Variants in MYO5B observed in about 807,000 individuals in gnomAD.
MYO5B encodes the protein unconventional myosin-Vb.
MYO5B carries 143 observed loss-of-function variants against 229.3 expected under a neutral mutation model. The observed-to-expected ratio is 0.62, with a 90% CI of 0.54 to 0.72. MYO5B has a LOEUF of 0.72. Among genes scored for constraint, MYO5B ranks in the 30% least tolerant of loss-of-function variants. The probability of loss-of-function intolerance (pLI) is 0.00; values close to 1 mark genes in which losing one functional copy is unlikely to be tolerated. For missense variants in MYO5B, 2,321 were observed against 2,331.0 expected, an observed-to-expected ratio of 1.00 and a Z score of 0.09; for synonymous variants, 918 against 885.2, an observed-to-expected ratio of 1.04 and a Z score of -0.66.
intron 30 of MYO5B, among the ~76,000 whole-genome samples, chr18:49,855,429 G>A (rs1003461060): frequency 1.3e-5 from 2 of 152,272 alleles, no homozygotes; most frequent in South Asian, 2.1e-4. Flanking sequence ...TTCAGTTGCC[G>A]ATTCATGAAA....
chr18:49,977,917 G>A (rs988166738), intron 9 of MYO5B, among the ~76,000 whole-genome samples: 11 of 152,178 alleles, frequency 7.2e-5, no homozygotes, highest in African/African-American at 2.7e-4. Flanking sequence ...AGAGGAAACA[G>A]AGAGGTTAGC....
At chr18:49,933,223 A>T (rs2025213587) in intron 16 of MYO5B, among the ~76,000 whole-genome samples, 2 of 152,074 alleles carry the variant, frequency 1.3e-5, no homozygotes, top group Admixed American at 1.3e-4. Flanking sequence ...CCTTCGGAAA[A>T]CCAGTGACCA....
chr18:49,876,699 A>G (rs11873675), intron 25 of MYO5B, among the ~76,000 whole-genome samples: 36,591 of 152,128 alleles, frequency 0.24, 4,545 homozygotes, highest in East Asian at 0.42. Flanking sequence ...GAAACCTCCA[A>G]GGGCCTAGAC....
chr18:50,149,742 A>G (rs1436306200), intron 1 of MYO5B, among the ~76,000 whole-genome samples: 2 of 152,104 alleles, frequency 1.3e-5, no homozygotes, highest in African/African-American at 4.8e-5. Flanking sequence ...CTAGAAGAAA[A>G]CCTAGGCATT....
At chr18:50,042,910 C>T (rs765165728) in intron 2 of MYO5B, among the ~76,000 whole-genome samples, 4 of 152,178 alleles carry the variant, frequency 2.6e-5, no homozygotes, top group East Asian at 3.8e-4. Flanking sequence ...CTGAGCCCAA[C>T]GGCTTCAACT....
intron 27 of MYO5B, among the ~76,000 whole-genome samples, chr18:49,871,038 C>G (rs2024450633): frequency 6.6e-6 from 1 of 152,168 alleles, no homozygotes; most frequent in Non-Finnish European, 1.5e-5. Flanking sequence ...AACAGAGAAG[C>G]AACCTAGATG....
chr18:50,137,838 T>C (rs2032357790), intron 1 of MYO5B, among the ~76,000 whole-genome samples: 1 of 138,420 alleles, frequency 7.2e-6, no homozygotes, highest in African/African-American at 2.7e-5. Flanking sequence ...GGAACATGGA[T>C]GAAGCTGGAC....
At chr18:50,088,780 T>G (rs79642868) in intron 1 of MYO5B, among the ~76,000 whole-genome samples, 7,560 of 152,304 alleles carry the variant, frequency 0.05, 249 homozygotes, top group African/African-American at 0.086. Flanking sequence ...TACTGTCTTT[T>G]CCAGTCATTG....
Position 50,001,276 on chromosome 18 carries a change from C to T in MYO5B, c.591G>A (p.Leu197=), listed in dbSNP as rs2026044060. 6.2e-7 allele frequency: 1 copy of T among 1,614,196 alleles called. No individual in the cohort carries two copies. Among genetic ancestry groups the T allele is most frequent in the Non-Finnish European group, 8.5e-7 (1 of 1,180,022 alleles). Residue 197 remains leucine, a synonymous_variant, in exon 5 of 40, where the codon CTG becomes CTA. Coordinates refer to ENST00000285039, the MANE Select transcript of MYO5B (RefSeq NM_001080467.3). ...ASETNIEEKV[L]ASSPIMEAIG... ...TTACCTCCATGATGGGACTGGATGCCAGCACCTTCTCTTCGATGTTGGTTT... is the reference window on the plus strand; with the variant it reads ...TTACCTCCATGATGGGACTGGATGCTAGCACCTTCTCTTCGATGTTGGTTT...
At chr18:50,048,130 C>T (rs2144405405) in intron 2 of MYO5B, among the ~76,000 whole-genome samples, 1 of 151,268 alleles carries the variant, frequency 6.6e-6, no homozygotes, top group South Asian at 2.1e-4. Context: ...AAAACACAAA[C>T]ATTTAATGAC....
At chr18:50,119,980 T>C (rs564583690) in intron 1 of MYO5B, among the ~76,000 whole-genome samples, 22 of 149,820 alleles carry the variant, frequency 1.5e-4, no homozygotes, top group Non-Finnish European at 3.0e-4. Context: ...AATATTGTGC[T>C]CCCTGGGAAC....
intron 36 of MYO5B, among the ~76,000 whole-genome samples, chr18:49,838,157 T>TG (rs1307386446): frequency 6.6e-6 from 1 of 152,206 alleles, no homozygotes; most frequent in Non-Finnish European, 1.5e-5. Flanking sequence ...AGAGCTTCAT[T>TG]GGTCCGTCAT....
intron 4 of MYO5B, among the ~76,000 whole-genome samples, chr18:50,028,799 C>T (rs769275466): frequency 2.2e-4 from 33 of 152,206 alleles, no homozygotes; most frequent in Admixed American, 1.3e-4. Flanking sequence ...TTCTAACATG[C>T]TGTGCTTCTC....
chr18:50,092,519 T>C (rs1466518697), intron 1 of MYO5B, among the ~76,000 whole-genome samples: 1 of 152,178 alleles, frequency 6.6e-6, no homozygotes, highest in Non-Finnish European at 1.5e-5. Flanking sequence ...ATCAGTTTTT[T>C]GTTTTTTGTT....
chr18:50,137,587 G>T (rs2032354606), intron 1 of MYO5B, among the ~76,000 whole-genome samples: 1 of 152,022 alleles, frequency 6.6e-6, no homozygotes, highest in South Asian at 2.1e-4. Flanking sequence ...TCCTCAAAGA[G>T]CTATAAACAG....
intron 34 of MYO5B, 113 bp downstream of exon 34, chr18:49,843,128 T>C (rs1345933821): frequency 3.7e-6 from 5 of 1,368,198 alleles, no homozygotes; most frequent in African/African-American, 2.9e-5. Flanking sequence ...ACCTTCAAAG[T>C]TGGAGCCCTA....
In MYO5B at chr18:49,937,400, A is replaced by G. The variant is rs768715227; in HGVS notation, c.1753-3T>C. The G allele has an allele frequency of 2.5e-6, 4 of 1,613,762 alleles. No homozygotes were observed. The highest frequency in any genetic ancestry group is 3.4e-6 in the Non-Finnish European group (4 of 1,179,744). Reference sequence around the variant, plus strand: ...AACAAGTCAGCCACTAGTGGGAACTAGAAACAATCACAGGAAGAATGATGA... The same window carrying G: ...AACAAGTCAGCCACTAGTGGGAACTGGAAACAATCACAGGAAGAATGATGA... On this transcript the variant is annotated splice_polypyrimidine_tract_variant and splice_region_variant and intron_variant, in intron 14 of 39. Coordinates refer to ENST00000285039, the MANE Select transcript of MYO5B (RefSeq NM_001080467.3).
chr18:49,929,456 A>C (rs1237485589), intron 17 of MYO5B, 56 bp downstream of exon 17: 3 of 1,479,434 alleles, frequency 2.0e-6, no homozygotes, highest in Non-Finnish European at 2.8e-6. Flanking sequence ...CTGGGGAACC[A>C]AACTCTGGCT....
chr18:50,151,063 T>A (rs1300394708), intron 1 of MYO5B, among the ~76,000 whole-genome samples: 1 of 152,220 alleles, frequency 6.6e-6, no homozygotes, highest in African/African-American at 2.4e-5. Context: ...CCTGGATGCC[T>A]AGCTGGGATG....
Sources: gnomAD v4.1 joint callset for allele counts (sites outside exome capture counted in the v4.1 genomes callset) on GRCh38, gnomAD v4.1.1 for gene constraint, MANE v1.5 for transcripts, NCBI Gene and HGNC (gene_info 2026-07-23, HGNC 2026-07-21) for gene names.